The following MRPL39 variants were observed in gnomAD, a reference collection of about 807,000 sequenced individuals.
MRPL39 encodes the protein mitochondrial ribosomal protein L39, also known as large ribosomal subunit protein mL39.
A neutral mutation model predicts 44.5 loss-of-function variants in MRPL39; 35 were observed. The ratio of observed to expected loss-of-function variants is 0.79; its 90% CI spans 0.60 to 1.04. The LOEUF (loss-of-function observed/expected upper bound fraction) is 1.04, where lower values mean the gene tolerates loss of function less well. Ranked by LOEUF, MRPL39 falls within the 50% of genes least tolerant of loss-of-function variation. MRPL39 has a pLI of 0.00. For synonymous variants in MRPL39, 139 were observed against 136.1 expected (o/e 1.02, Z -0.15); for missense variants, 433 against 413.5 (o/e 1.05, Z -0.41).
At position 25,588,026 on chromosome 21, in the gene MRPL39, C is replaced by T. The variant is rs537213196; in HGVS notation, c.969+809G>A. 7.9e-5 allele frequency among the ~76,000 whole-genome samples: 12 copies of T among 152,226 alleles called. No individual in the cohort carries two copies. In the East Asian group the frequency reaches 2.1e-3, roughly 27 times the overall value. ...TAGTTGTGGTCAAGAAATACAATCA[C>T]CCGGGCCGGGCGCGGTGGCTCACGC... On this transcript the variant is annotated intron_variant, in intron 9 of 9. Coordinates refer to ENST00000352957, the MANE Select transcript of MRPL39 (RefSeq NM_017446.4).
upstream of MRPL39, chr21:25,607,483 G>C (rs1264522188): frequency 1.4e-5 from 22 of 1,610,200 alleles, no homozygotes; most frequent in Non-Finnish European, 1.9e-5. Context: ...CATAGCAGCG[G>C]TGAGAACCGT....
At chr21:25,587,908 G>A in intron 9 of MRPL39, 1 of 748,380 alleles carries the variant, frequency 1.3e-6, no homozygotes, top group Non-Finnish European at 2.3e-6. Flanking sequence ...TTAGGATAAG[G>A]AGGAAGTCCT....
At chr21:25,592,168 T>C (rs532213881) in intron 8 of MRPL39, among the ~76,000 whole-genome samples, 2 of 152,144 alleles carry the variant, frequency 1.3e-5, no homozygotes, top group Admixed American at 1.3e-4. Flanking sequence ...GCAGGCAGGG[T>C]AATGGGGGCA....
At chr21:25,600,721 C>T (rs1461408294) in intron 4 of MRPL39, among the ~76,000 whole-genome samples, 1 of 152,116 alleles carries the variant, frequency 6.6e-6, no homozygotes, top group Non-Finnish European at 1.5e-5. Flanking sequence ...GAAATATTAC[C>T]ACCTAAGCAC....
chr21:25,586,681 T>A (rs75803926), intron 9 of MRPL39, among the ~76,000 whole-genome samples: 3,125 of 152,318 alleles, frequency 0.021, 52 homozygotes, highest in South Asian at 0.045. Flanking sequence ...TCATCTTACA[T>A]TCATCATGTT....
intron 2 of MRPL39, 115 bp downstream of exon 2, chr21:25,606,334 G>A: frequency 1.1e-6 from 1 of 900,772 alleles, no homozygotes; most frequent in Non-Finnish European, 1.7e-6. Flanking sequence ...TGGTATAAAG[G>A]GATTGCCATG....
rs115932466 is a variant in MRPL39 at position 25,603,837 on chromosome 21, A to G, written c.379T>C (p.Phe127Leu). 154 of 1,611,978 alleles carry G rather than the reference A, an allele frequency of 9.6e-5. No individual in the cohort carries two copies. In the African/African-American group the frequency reaches 1.9e-3, roughly 20 times the overall value. ...GGATCACAATCTTTGAAAGTAAGAA[A>G]TTTAATTTCACAGGACTTTGTTAAA... Reference protein sequence around the residue: ...KPLTKSCEIKFLTFKDCDPGE... With the variant: ...KPLTKSCEIKLLTFKDCDPGE... Residue 127 changes from phenylalanine to leucine, a missense_variant, in exon 3 of 10, where the codon TTT (phenylalanine) becomes CTT (leucine). Transcript: ENST00000352957.
chr21:25,600,934 C>T (rs543125762), intron 4 of MRPL39, among the ~76,000 whole-genome samples: 108 of 152,220 alleles, frequency 7.1e-4, no homozygotes, highest in African/African-American at 2.4e-3. Flanking sequence ...GGTGAAACCC[C>T]GTCTCTACTA....
At chr21:25,604,071 T>A (rs567475174) in intron 2 of MRPL39, 136 bp from the exon 3 acceptor site, 1 of 809,276 alleles carries the variant, frequency 1.2e-6, no homozygotes, top group Non-Finnish European at 1.9e-6. Flanking sequence ...AAAAGTATAT[T>A]ACGTCTATAA....
intron 8 of MRPL39, among the ~76,000 whole-genome samples, chr21:25,590,501 T>C (rs1310894365): frequency 1.3e-5 from 2 of 152,106 alleles, no homozygotes; most frequent in African/African-American, 4.8e-5. Context: ...TTGGACAAGC[T>C]TGAGTTAAAG....
chr21:25,596,766 T>C (rs2031374388), intron 6 of MRPL39, among the ~76,000 whole-genome samples: 1 of 152,188 alleles, frequency 6.6e-6, no homozygotes, highest in Non-Finnish European at 1.5e-5. Context: ...TTCTTACAAC[T>C]GGTAGTAGAA....
At chr21:25,591,839 A>G (rs2031188054) in intron 8 of MRPL39, among the ~76,000 whole-genome samples, 1 of 152,212 alleles carries the variant, frequency 6.6e-6, no homozygotes, top group Non-Finnish European at 1.5e-5. Flanking sequence ...TATCCCAGAG[A>G]AATATTCACA....
rs538753515 is a variant in MRPL39 at position 25,603,698 on chromosome 21, C to T, written c.420+98G>A. 27 of 1,264,884 alleles carry T rather than the reference C, an allele frequency of 2.1e-5. No individual in the cohort carries two copies. In the African/African-American group the frequency reaches 4.1e-4, roughly 19 times the overall value. The allele number at this position is 1,264,884 out of a possible 1,614,324, so 78.4% of individuals were successfully genotyped here. ...TAAAGAGTACGATACAACATTTGAACTTGGCCATATTTTTACATTACACCC... is the reference window on the plus strand; with the variant it reads ...TAAAGAGTACGATACAACATTTGAATTTGGCCATATTTTTACATTACACCC... On this transcript the variant is annotated intron_variant, in intron 3 of 9. Coordinates refer to ENST00000352957, the MANE Select transcript of MRPL39 (RefSeq NM_017446.4).
upstream of MRPL39, chr21:25,607,559 C>G (rs891537963): frequency 5.6e-6 from 8 of 1,423,898 alleles, no homozygotes; most frequent in Admixed American, 1.5e-4. Flanking sequence ...TTCCGCAGGA[C>G]AGGTCTGTTC....
rs1339288810 is a variant in MRPL39, at chr21:25,593,946, A to C, written c.714T>G (p.Asp238Glu). Reference sequence around the variant, plus strand: ...TCTGAGATGCCTTCTCTTCTATGAAATCTACTTTGTACCTGAAAAGCAGCA... The same window carrying C: ...TCTGAGATGCCTTCTCTTCTATGAACTCTACTTTGTACCTGAAAAGCAGCA... Reference protein sequence around the residue: ...EIFQHSKYKVDFIEEKASQNP... With the variant: ...EIFQHSKYKVEFIEEKASQNP... Residue 238 changes from aspartate to glutamate, a missense_variant, in exon 7 of 10, where the codon GAT becomes GAG. Physicochemically the swap from Asp to Glu is conservative, Grantham distance 45. Coordinates refer to ENST00000352957, the MANE Select transcript of MRPL39 (RefSeq NM_017446.4). 6.2e-7 allele frequency: 1 copy of C among 1,613,634 alleles called. No individual in the cohort carries two copies. Among genetic ancestry groups the C allele is most frequent in the Non-Finnish European group, 8.5e-7 (1 of 1,179,894 alleles).
At chr21:25,590,636 T>C (rs2031144890) in intron 8 of MRPL39, among the ~76,000 whole-genome samples, 1 of 151,980 alleles carries the variant, frequency 6.6e-6, no homozygotes, top group African/African-American at 2.4e-5. Context: ...AAAGAAGATA[T>C]AAATAAATAA....
At chr21:25,606,766 G>T (rs1247316564) in intron 1 of MRPL39, 111 bp from the exon 2 acceptor site, 1 of 800,646 alleles carries the variant, frequency 1.2e-6, no homozygotes, top group Admixed American at 2.7e-5. Flanking sequence ...AACACCAGCG[G>T]AAGAAACAGA....
chr21:25,590,923 A>G (rs2031155924), intron 8 of MRPL39, among the ~76,000 whole-genome samples: 1 of 152,206 alleles, frequency 6.6e-6, no homozygotes, highest in South Asian at 2.1e-4. Flanking sequence ...GTAGAGAGCT[A>G]AACATATGTG....
At chr21:25,590,581 A>G (rs751385415) in intron 8 of MRPL39, among the ~76,000 whole-genome samples, 1 of 152,178 alleles carries the variant, frequency 6.6e-6, no homozygotes, top group Non-Finnish European at 1.5e-5. Context: ...GTCAAAGTCA[A>G]ATGTATAGGA....
Sources: allele counts gnomAD v4.1 joint callset (sites outside exome capture counted in the v4.1 genomes callset), GRCh38; gene constraint gnomAD v4.1.1; transcripts MANE v1.5; gene names NCBI Gene and HGNC (gene_info 2026-07-23, HGNC 2026-07-21).